The following LGI2 variants were observed in gnomAD, a reference collection of about 807,000 sequenced individuals.
LGI2 encodes the protein leucine rich repeat LGI family member 2.
Under a neutral mutation model 52.0 loss-of-function variants are expected in LGI2, and 30 were observed. That is an observed-to-expected ratio of 0.58 (90% CI 0.43 to 0.78). The LOEUF (loss-of-function observed/expected upper bound fraction) is 0.78, where lower values mean the gene tolerates loss of function less well. LGI2 is among the 30% of genes least tolerant of loss of function. The pLI is 0.00. For synonymous variants in LGI2, 270 were observed against 271.8 expected (o/e 0.99, Z 0.06); for missense variants, 573 against 692.5 (o/e 0.83, Z 1.94).
chr4:25,010,978 A>G (rs1342519577), intron 7 of LGI2, among the ~76,000 whole-genome samples: 2 of 151,838 alleles, frequency 1.3e-5, no homozygotes, highest in African/African-American at 4.8e-5. Flanking sequence ...GCTACTTGGG[A>G]GGCTGGGGCA....
At position 25,001,799 on chromosome 4, in the gene LGI2, A is replaced by G. The variant is rs1175859758; in HGVS notation, c.*1652T>C. The G allele has an allele frequency of 7.2e-6, 1 of 139,156 alleles. No homozygotes were observed. The highest frequency in any genetic ancestry group is 7.6e-5 in the Admixed American group (1 of 13,208). 8.6% of individuals were successfully genotyped at this position (139,156 alleles called of 1,614,324 possible). ...TCTCTGAGTGCTATTTATTGTCTCA[A>G]TCTTCATTGCTTAAAGTCAGGAAAC... On this transcript the variant is annotated 3_prime_UTR_variant, in exon 8 of 8. Transcript: ENST00000382114.
At chr4:25,027,034 G>A (rs1029233071) in intron 2 of LGI2, 95 bp from the exon 3 acceptor site, 14 of 931,724 alleles carry the variant, frequency 1.5e-5, no homozygotes, top group Non-Finnish European at 2.1e-5. Flanking sequence ...TGATCTGTGG[G>A]CAAACATGAG....
chr4:25,018,294 T>C, intron 5 of LGI2, 136 bp from the exon 6 acceptor site: 1 of 609,020 alleles, frequency 1.6e-6, no homozygotes. Context: ...GTTTAAAAAC[T>C]TTTATAATTA....
chr4:25,015,350 A>G (rs1560291154), intron 6 of LGI2, among the ~76,000 whole-genome samples: 1 of 152,200 alleles, frequency 6.6e-6, no homozygotes, highest in Non-Finnish European at 1.5e-5. Flanking sequence ...TACCCACCTA[A>G]CACAGGGAAT....
chr4:25,020,346 G>A (rs1193180896), intron 4 of LGI2, among the ~76,000 whole-genome samples: 5 of 152,130 alleles, frequency 3.3e-5, no homozygotes, highest in Non-Finnish European at 7.3e-5. Flanking sequence ...CTCTTTCTCC[G>A]ATGATTCAGG....
At chr4:25,021,403 T>C (rs901762959) in intron 4 of LGI2, among the ~76,000 whole-genome samples, 5 of 152,216 alleles carry the variant, frequency 3.3e-5, no homozygotes, top group African/African-American at 1.2e-4. Context: ...TTCCTATGCA[T>C]GTGAGTCTGT....
chr4:25,003,704 CG>C lies in LGI2; in HGVS notation c.1384del (p.Arg462GlyfsTer4). 6.2e-7 allele frequency: 1 copy of C among 1,614,190 alleles called. No homozygotes were observed. Among genetic ancestry groups the C allele is most frequent in the Non-Finnish European group, 8.5e-7 (1 of 1,180,036 alleles). On this transcript the variant is annotated frameshift_variant, in exon 8 of 8. Coordinates refer to ENST00000382114, the MANE Select transcript of LGI2 (RefSeq NM_018176.4). LOFTEE classifies it high-confidence loss of function. The part of the protein sequence containing the change: ...QFVEIQALPS[R>X]GAMTLQPFSF... Reference sequence around the variant, plus strand: ...AAAGGGCTGCAGGGTCATGGCCCCCCGGGATGGAAGAGCTTGGATCTCCACA... The same window carrying C: ...AAAGGGCTGCAGGGTCATGGCCCCCCGGATGGAAGAGCTTGGATCTCCACA...
At chr4:25,008,468 A>G (rs7688709) in intron 7 of LGI2, among the ~76,000 whole-genome samples, 100,564 of 149,930 alleles carry the variant, frequency 0.67, 35,623 homozygotes, top group African/African-American at 0.91. Context: ...CCAGAAAATC[A>G]CTTGAATCTG....
At chr4:25,030,244 T>A (rs1227331491) in intron 1 of LGI2, among the ~76,000 whole-genome samples, 1 of 152,214 alleles carries the variant, frequency 6.6e-6, no homozygotes, top group Non-Finnish European at 1.5e-5. Flanking sequence ...GTGAGTCTGA[T>A]GCAGGTGGCC....
At chr4:25,008,026 G>T (rs1208440176) in intron 7 of LGI2, among the ~76,000 whole-genome samples, 1 of 152,144 alleles carries the variant, frequency 6.6e-6, no homozygotes, top group Admixed American at 6.5e-5. Flanking sequence ...TGTGCTATAG[G>T]GCTTTCCCTC....
At chr4:25,030,461 G>A (rs769952139) in intron 1 of LGI2, 36 bp downstream of exon 1, 42 of 1,555,942 alleles carry the variant, frequency 2.7e-5, no homozygotes, top group Non-Finnish European at 3.2e-5. Flanking sequence ...GCAGGGTGGG[G>A]CGGGACGGGA....
At chr4:24,993,817 C>T in the LGI2 span, among the ~76,000 whole-genome samples, 1 of 151,926 alleles carries the variant, frequency 6.6e-6, no homozygotes, top group Admixed American at 6.6e-5. Flanking sequence ...TTATTTATTG[C>T]GACAGAAAAT....
At chr4:25,030,393 G>C in intron 1 of LGI2, 104 bp downstream of exon 1, 1 of 1,230,442 alleles carries the variant, frequency 8.1e-7, no homozygotes, top group Non-Finnish European at 1.1e-6. Context: ...GGGGCCTGGG[G>C]AGTGGGTCAG....
chr4:25,007,293 A>T (rs1725423618), intron 7 of LGI2, among the ~76,000 whole-genome samples: 1 of 152,208 alleles, frequency 6.6e-6, no homozygotes, highest in East Asian at 1.9e-4. Flanking sequence ...CAAGTGTAAG[A>T]ATTGCTGGGG....
chr4:24,998,304 C>T (rs557897248), downstream of LGI2, among the ~76,000 whole-genome samples: 5 of 152,080 alleles, frequency 3.3e-5, no homozygotes, highest in African/African-American at 9.7e-5. Context: ...TTCAGAAGCC[C>T]GATAGCATAT....
chr4:25,004,436 C>T lies in LGI2; in HGVS notation c.821-168G>A, dbSNP rs552308121. 6.6e-6 allele frequency among the ~76,000 whole-genome samples: 1 copy of T among 152,312 alleles called. No homozygotes were observed. The highest frequency in any genetic ancestry group is 2.1e-4 in the South Asian group (1 of 4,826). ...AACATGGAATTACCCTATGAGCCAG[C>T]AATTCCACTTCTTTGTATATACCCA... On this transcript the variant is annotated intron_variant, in intron 7 of 7. Coordinates refer to ENST00000382114, the MANE Select transcript of LGI2 (RefSeq NM_018176.4). The surrounding 1 kb of genome is among the most constrained non-coding windows in gnomAD (Gnocchi z 4.6).
chr4:25,008,553 C>CAAAAAA (rs33920247), intron 7 of LGI2, among the ~76,000 whole-genome samples: 5 of 85,996 alleles, frequency 5.8e-5, no homozygotes, highest in Non-Finnish European at 4.6e-5. Context: ...GACTCTGTCT[C>CAAAAAA]AAAAAAAAAA....
At chr4:25,015,910 G>A (rs1725742329) in intron 6 of LGI2, among the ~76,000 whole-genome samples, 2 of 152,252 alleles carry the variant, frequency 1.3e-5, no homozygotes, top group Middle Eastern at 3.4e-3. Context: ...CCTCATCTCT[G>A]TTTGTGAGTC....
At chr4:25,018,232 A>G in intron 5 of LGI2, 74 bp from the exon 6 acceptor site, 7 of 1,073,146 alleles carry the variant, frequency 6.5e-6, no homozygotes, top group East Asian at 2.5e-5. Flanking sequence ...TAGTAACACG[A>G]AACTCCAGAA....
Sources: allele counts gnomAD v4.1 joint callset (sites outside exome capture counted in the v4.1 genomes callset), GRCh38; gene constraint gnomAD v4.1.1; non-coding constraint Gnocchi (gnomAD v3.1); transcripts MANE v1.5; gene names NCBI Gene and HGNC (gene_info 2026-07-23, HGNC 2026-07-21).